Variants in UHRF2 observed in about 807,000 individuals in gnomAD.
UHRF2 encodes ubiquitin like with PHD and ring finger domains 2.
A neutral mutation model predicts 96.8 loss-of-function variants in UHRF2; 23 were observed. The observed-to-expected ratio is 0.24, with a 90% CI of 0.17 to 0.34. The LOEUF (loss-of-function observed/expected upper bound fraction) is 0.34, where lower values mean the gene tolerates loss of function less well. Among genes scored for constraint, UHRF2 ranks in the 10% least tolerant of loss-of-function variants. The pLI is 1.00. For synonymous variants in UHRF2, 385 were observed against 332.6 expected (o/e 1.16, Z -1.72); for missense variants, 685 against 981.5 (o/e 0.70, Z 4.04).
chr9:6,428,577 A>T (rs2130750002), intron 2 of UHRF2, among the ~76,000 whole-genome samples: 1 of 76,204 alleles, frequency 1.3e-5, no homozygotes, highest in African/African-American at 5.7e-5. Context: ...TTTTTGAACG[A>T]TCTCATTCTG....
chr9:6,435,670 G>A (rs748816687), intron 3 of UHRF2, among the ~76,000 whole-genome samples: 13 of 152,044 alleles, frequency 8.6e-5, no homozygotes, highest in South Asian at 2.1e-4. Flanking sequence ...TCAGTGGTGC[G>A]ATCTTGGCTC....
At chr9:6,442,357 T>C (rs1048912882) in intron 3 of UHRF2, among the ~76,000 whole-genome samples, 4 of 152,246 alleles carry the variant, frequency 2.6e-5, no homozygotes, top group African/African-American at 9.6e-5. Flanking sequence ...TTGAAATGTT[T>C]CCAGTGGATG....
At chr9:6,488,540 CTTTTTTTTTTTTT>C (rs58280407) in intron 9 of UHRF2, among the ~76,000 whole-genome samples, 1 of 83,822 alleles carries the variant, frequency 1.2e-5, no homozygotes, top group Non-Finnish European at 2.2e-5. Context: ...TTTTTCTTTT[CTTTTTTTTTTTTT>C]TTTTTTTTTT....
At chr9:6,468,527 A>G (rs1468247456) in intron 4 of UHRF2, 1 of 455,986 alleles carries the variant, frequency 2.2e-6, no homozygotes, top group African/African-American at 2.0e-5. Flanking sequence ...TTTTGCCCCT[A>G]GGGAATCTGC....
At chr9:6,481,971 C>G (rs772396676) in intron 7 of UHRF2, 21 bp from the exon 8 acceptor site, 4 of 1,605,398 alleles carry the variant, frequency 2.5e-6, no homozygotes, top group Non-Finnish European at 3.4e-6. Context: ...GATTTCTCAA[C>G]GTTTGTTTTG....
At chr9:6,432,720 A>G (rs995816389) in intron 2 of UHRF2, among the ~76,000 whole-genome samples, 1 of 152,210 alleles carries the variant, frequency 6.6e-6, no homozygotes, top group African/African-American at 2.4e-5. Flanking sequence ...TCTCCCTTCA[A>G]GGAAAAGATA....
intron 1 of UHRF2, 85 bp downstream of exon 1, chr9:6,413,728 G>T: frequency 6.0e-6 from 8 of 1,335,118 alleles, no homozygotes; most frequent in Non-Finnish European, 7.7e-6. Flanking sequence ...AGGGCTCTGT[G>T]CGCCGCGCGC....
At chr9:6,470,116 T>G (rs1309844087) in intron 4 of UHRF2, among the ~76,000 whole-genome samples, 1 of 152,192 alleles carries the variant, frequency 6.6e-6, no homozygotes, top group African/African-American at 2.4e-5. Context: ...CACGCCTATA[T>G]AATCGCAGCA....
chr9:6,422,941 C>G (rs554254647), intron 2 of UHRF2: 2 of 326,638 alleles, frequency 6.1e-6, no homozygotes, highest in South Asian at 1.5e-4. Flanking sequence ...CTTTTGTAAC[C>G]AGCAACCTTT....
chr9:6,432,828 G>C (rs1168365312), intron 2 of UHRF2, among the ~76,000 whole-genome samples: 1 of 151,734 alleles, frequency 6.6e-6, no homozygotes, highest in Admixed American at 6.6e-5. Context: ...TGTCCTAAAA[G>C]GGCTCTGGCC....
intron 9 of UHRF2, among the ~76,000 whole-genome samples, chr9:6,490,195 T>G (rs367714500): frequency 2.0e-5 from 3 of 152,240 alleles, no homozygotes; most frequent in African/African-American, 7.2e-5. Flanking sequence ...ATTATTTAAC[T>G]CTGGTAACTC....
At chr9:6,459,157 G>A (rs1020453768) in intron 3 of UHRF2, among the ~76,000 whole-genome samples, 21 of 152,112 alleles carry the variant, frequency 1.4e-4, no homozygotes, top group East Asian at 1.3e-3. Context: ...CGTGGCACCT[G>A]TATACCTAAG....
At chr9:6,477,448 C>T (rs1223395944) in intron 5 of UHRF2, among the ~76,000 whole-genome samples, 174 bp from the exon 6 acceptor site, 1 of 152,104 alleles carries the variant, frequency 6.6e-6, no homozygotes, top group Non-Finnish European at 1.5e-5. Context: ...ATCGCTTGAA[C>T]CCGGGAGGCA....
chr9:6,461,394 C>A lies in UHRF2; in HGVS notation c.863+603C>A, dbSNP rs1008937618. 7.7e-5 allele frequency among the ~76,000 whole-genome samples: 10 copies of A among 129,812 alleles called. No individual in the cohort carries two copies. In the South Asian group the frequency reaches 1.5e-3, roughly 20 times the overall value. 85.2% of individuals were successfully genotyped at this position (129,812 alleles called of 152,430 possible). Reference sequence around the variant, plus strand: ...TCCCCCTCCTCCTTCTCTCCTCCCCCCCGCCCCTTGTTCTGTCACCCAGGC... The same window carrying A: ...TCCCCCTCCTCCTTCTCTCCTCCCCACCGCCCCTTGTTCTGTCACCCAGGC... On this transcript the variant is annotated intron_variant, in intron 4 of 15. Transcript: ENST00000276893.
At chr9:6,429,412 T>G (rs533870358) in intron 2 of UHRF2, among the ~76,000 whole-genome samples, 30 of 152,234 alleles carry the variant, frequency 2.0e-4, no homozygotes, top group African/African-American at 7.0e-4. Context: ...GGTTTTGTGG[T>G]TTTTTTGTTT....
chr9:6,506,155 C>A lies in UHRF2; in HGVS notation c.2385C>A (p.Phe795Leu). ...TGCAGACTCTACTTGACCTTTTCTTCCCTGGCTACAGCAAAGGACGATGAT... is the reference window on the plus strand; with the variant it reads ...TGCAGACTCTACTTGACCTTTTCTTACCTGGCTACAGCAAAGGACGATGAT... Reference protein sequence around the residue: ...EILQTLLDLFFPGYSKGR With the variant: ...EILQTLLDLFLPGYSKGR The change falls in exon 16 of 16, where the codon TTC (phenylalanine) becomes TTA (leucine). Residue 795 changes from phenylalanine (F) to leucine (L), a missense_variant. This residue lies in a region of UHRF2 where 71 missense variants were observed against 114.1 expected (regional missense o/e 0.62). Transcript: ENST00000276893. 6.2e-7 allele frequency: 1 copy of A among 1,614,090 alleles called. No homozygotes were observed. The highest frequency in any genetic ancestry group is 8.5e-7 in the Non-Finnish European group (1 of 1,180,004).
intron 3 of UHRF2, among the ~76,000 whole-genome samples, chr9:6,438,999 A>G (rs945600612): frequency 7.2e-5 from 11 of 152,242 alleles, no homozygotes; most frequent in African/African-American, 2.7e-4. Flanking sequence ...TGTAATTCTA[A>G]AATATAACTG....
chr9:6,478,917 C>T (rs1400835485), intron 6 of UHRF2, among the ~76,000 whole-genome samples: 1 of 152,166 alleles, frequency 6.6e-6, no homozygotes, highest in East Asian at 1.9e-4. Context: ...TCTGACGTCT[C>T]ATATTTTCCT....
chr9:6,497,437 T>TG, intron 11 of UHRF2, 77 bp downstream of exon 11: 10 of 1,516,458 alleles, frequency 6.6e-6, no homozygotes, highest in Non-Finnish European at 9.0e-6. Flanking sequence ...GGAACTACTG[T>TG]GGGTGGGCTC....
Sources: gnomAD v4.1 joint callset for allele counts (sites outside exome capture counted in the v4.1 genomes callset) on GRCh38, gnomAD v4.1.1 for gene constraint, gnomAD v4.1.1 regional missense constraint, MANE v1.5 for transcripts, NCBI Gene and HGNC (gene_info 2026-07-23, HGNC 2026-07-21) for gene names.